The following LGSN variants were observed in gnomAD, a reference collection of about 807,000 sequenced individuals.
LGSN encodes the protein lengsin, lens protein with glutamine synthetase domain.
LGSN carries 21 observed loss-of-function variants against 19.5 expected under a neutral mutation model. The observed-to-expected ratio is 1.07, with a 90% CI of 0.76 to 1.55. The LOEUF (loss-of-function observed/expected upper bound fraction) is 1.55. LGSN is among the 40% of genes most tolerant of loss of function. The probability of loss-of-function intolerance (pLI) is 0.00; values close to 1 mark genes in which losing one functional copy is unlikely to be tolerated. For synonymous variants in LGSN, 257 were observed against 215.6 expected (o/e 1.19, Z -1.68); for missense variants, 673 against 608.5 (o/e 1.11, Z -1.12).
the LGSN span, among the ~76,000 whole-genome samples, chr6:63,422,669 C>A: frequency 6.6e-6 from 1 of 151,380 alleles, no homozygotes; most frequent in South Asian, 2.1e-4. Flanking sequence ...GAGATACACA[C>A]GAAAATACTA....
the LGSN span, among the ~76,000 whole-genome samples, chr6:63,406,227 T>A: frequency 1.4e-4 from 22 of 152,078 alleles, no homozygotes; most frequent in African/African-American, 5.3e-4. Flanking sequence ...AATATACATT[T>A]TTTTCAGCAC....
chr6:63,374,171 A>G, the LGSN span, among the ~76,000 whole-genome samples: 2 of 151,082 alleles, frequency 1.3e-5, no homozygotes, highest in Non-Finnish European at 3.0e-5. Context: ...AATTATTCAG[A>G]AAAAAAAACA....
the LGSN span, among the ~76,000 whole-genome samples, chr6:63,451,466 T>C: frequency 6.6e-6 from 1 of 152,172 alleles, no homozygotes; most frequent in African/African-American, 2.4e-5. Flanking sequence ...TAGAGGCCAT[T>C]ATCCTTAGCA....
chr6:63,572,350 G>C, the LGSN span: 4 of 287,180 alleles, frequency 1.4e-5, no homozygotes, highest in Non-Finnish European at 2.6e-5. Context: ...CCGCCGCGGA[G>C]TGACGTCCGG....
chr6:63,296,818 G>A (rs1767993198), intron 1 of LGSN, among the ~76,000 whole-genome samples: 1 of 152,040 alleles, frequency 6.6e-6, no homozygotes, highest in South Asian at 2.1e-4. Flanking sequence ...AGAAAAATGA[G>A]ACTCAGAATA....
At chr6:63,450,350 G>A in the LGSN span, among the ~76,000 whole-genome samples, 1 of 151,260 alleles carries the variant, frequency 6.6e-6, no homozygotes, top group East Asian at 1.9e-4. Flanking sequence ...GACAGAGTGA[G>A]ACTCCATCTC....
chr6:63,295,114 G>C, intron 1 of LGSN, 69 bp from the exon 2 acceptor site: 1 of 1,457,592 alleles, frequency 6.9e-7, no homozygotes, highest in Non-Finnish European at 9.6e-7. Flanking sequence ...GATGTCGAAA[G>C]AGTATATTTG....
chr6:63,425,142 G>A, the LGSN span, among the ~76,000 whole-genome samples: 4 of 152,148 alleles, frequency 2.6e-5, no homozygotes, highest in African/African-American at 9.7e-5. Context: ...AGAATATGGA[G>A]AAACTGTATC....
At chr6:63,415,255 A>C in the LGSN span, among the ~76,000 whole-genome samples, 5 of 152,176 alleles carry the variant, frequency 3.3e-5, no homozygotes, top group Non-Finnish European at 7.3e-5. Flanking sequence ...CTTGAGGCGG[A>C]GTTTGCGGTG....
the LGSN span, chr6:63,441,584 T>C: frequency 2.2e-6 from 1 of 451,348 alleles, no homozygotes; most frequent in South Asian, 1.9e-5. Context: ...CAGAGAAGTA[T>C]GAGGCAAAGC....
chr6:63,390,429 G>A, the LGSN span, among the ~76,000 whole-genome samples: 19 of 151,082 alleles, frequency 1.3e-4, no homozygotes, highest in African/African-American at 4.1e-4. Flanking sequence ...TGTGCCAGCC[G>A]GATTCCACAA....
chr6:63,377,370 C>T, the LGSN span, among the ~76,000 whole-genome samples: 9,657 of 152,278 alleles, frequency 0.063, 537 homozygotes, highest in East Asian at 0.28. Context: ...AAATTTTCCA[C>T]AGCTTTCCAG....
At chr6:63,523,106 C>T in the LGSN span, among the ~76,000 whole-genome samples, 58 of 151,748 alleles carry the variant, frequency 3.8e-4, no homozygotes, top group African/African-American at 1.2e-3. Context: ...CCTCAAGTGA[C>T]CTGCCCACCT....
intron 3 of LGSN, among the ~76,000 whole-genome samples, chr6:63,284,742 T>A (rs938293696): frequency 1.3e-5 from 2 of 152,202 alleles, no homozygotes; most frequent in Admixed American, 6.5e-5. Flanking sequence ...AAACAATATC[T>A]GCAAGCAGGT....
the LGSN span, among the ~76,000 whole-genome samples, chr6:63,417,984 A>G: frequency 6.6e-6 from 1 of 152,218 alleles, no homozygotes; most frequent in Admixed American, 6.5e-5. Context: ...AAAATAATGA[A>G]TAAGTACATT....
chr6:63,411,897 A>G, the LGSN span, among the ~76,000 whole-genome samples: 1 of 152,228 alleles, frequency 6.6e-6, no homozygotes, highest in Non-Finnish European at 1.5e-5. Flanking sequence ...CAAATGTGCA[A>G]GTATTCAATG....
chr6:63,348,198 T>C, the LGSN span, among the ~76,000 whole-genome samples: 8 of 151,932 alleles, frequency 5.3e-5, no homozygotes, highest in Admixed American at 3.3e-4. Flanking sequence ...CAGACTAATA[T>C]AAAAGTATGG....
rs1767223149 is a variant in LGSN, at chr6:63,279,939, T to C, written c.*82A>G. On this transcript the variant is annotated 3_prime_UTR_variant, in exon 4 of 4. Coordinates refer to ENST00000370657, the MANE Select transcript of LGSN (RefSeq NM_016571.3). ...TCTTGTTATTGTTGCTGTTGTTAAT[T>C]ACAAAAGTTCAGTCTTTTTGTTTTG... is the stretch of plus-strand genomic sequence containing the variant. 1 of 1,302,206 alleles carries C rather than the reference T, an allele frequency of 7.7e-7. No individual in the cohort carries two copies. Among genetic ancestry groups the C allele is most frequent in the South Asian group, 1.5e-5 (1 of 66,770 alleles). 80.7% of individuals were successfully genotyped at this position (1,302,206 alleles called of 1,614,324 possible). A position where few individuals can be genotyped will look rare whatever the true frequency, so the allele number is the denominator to read the frequency against.
At chr6:63,548,799 C>T in the LGSN span, 1 of 731,478 alleles carries the variant, frequency 1.4e-6, no homozygotes, top group Non-Finnish European at 2.5e-6. Context: ...ATTGCCTCCC[C>T]AGTGACGGCG....
Sources: gnomAD v4.1 joint callset for allele counts (sites outside exome capture counted in the v4.1 genomes callset) on GRCh38, gnomAD v4.1.1 for gene constraint, MANE v1.5 for transcripts, NCBI Gene and HGNC (gene_info 2026-07-23, HGNC 2026-07-21) for gene names.